The following HYDIN variants were observed in gnomAD, a reference collection of about 807,000 sequenced individuals.
HYDIN encodes the protein HYDIN axonemal central pair apparatus protein, also known as axonemal central pair apparatus protein HYDIN.
In HYDIN, 132 loss-of-function variants were observed where a neutral mutation model predicts 403.9. That is an observed-to-expected ratio of 0.33 (90% CI 0.28 to 0.38). The LOEUF (loss-of-function observed/expected upper bound fraction) is 0.38. HYDIN is among the 10% of genes least tolerant of loss of function. The probability of loss-of-function intolerance (pLI) is 1.00; values close to 1 mark genes in which losing one functional copy is unlikely to be tolerated. For missense variants in HYDIN, 2,827 were observed against 5,009.5 expected (o/e 0.56, Z 13.15); for synonymous variants, 1,202 against 1,891.7 (o/e 0.64, Z 9.46).
chr16:70,921,478 G>T (rs2076994148), intron 45 of HYDIN, among the ~76,000 whole-genome samples: 1 of 152,170 alleles, frequency 6.6e-6, no homozygotes, highest in Non-Finnish European at 1.5e-5. Flanking sequence ...GAGTGACTTT[G>T]ATGTGTACTC....
Position 70,857,793 on chromosome 16 carries a change from G to A in HYDIN, c.12207C>T (p.Ile4069=). The A allele has an allele frequency of 6.2e-7, 1 of 1,604,176 alleles. No individual in the cohort carries two copies. Among genetic ancestry groups the A allele is most frequent in the Admixed American group, 1.7e-5 (1 of 58,946 alleles). The change falls in exon 72 of 86, where the codon ATC becomes ATT. Residue 4069 remains isoleucine, a synonymous_variant. Transcript: ENST00000393567. ...SWTFLIPEHN[I]TVPFLLVGKT... is the part of the protein sequence containing the mutation. ...TGCCTACCAGCAGGAAAGGGACTGT[G>A]ATGTTGTGCTCGGGAATTAGGAAGG...
At chr16:71,179,074 T>C (rs79983471) in intron 3 of HYDIN, 27 bp from the exon 4 acceptor site, 1 of 1,593,908 alleles carries the variant, frequency 6.3e-7, no homozygotes, top group Admixed American at 1.7e-5. Context: ...AAATTATTGT[T>C]ATAGTCACAC....
In HYDIN at chr16:71,230,651, G is replaced by A. The variant is rs2041244447; in HGVS notation, c.-113C>T. 4 of 1,536,026 alleles carry A rather than the reference G, an allele frequency of 2.6e-6. No homozygotes were observed. Among genetic ancestry groups the A allele is most frequent in the East Asian group, 2.4e-5 (1 of 40,902 alleles). ...TCACAGACCCCGCCGCCGCTGAGGG[G>A]CTCCATACCCAGCTTGAAGCCGCCC... On this transcript the variant is annotated 5_prime_UTR_variant, in exon 1 of 86. Transcript: ENST00000393567.
At chr16:71,172,138 T>C (rs1402777745) in intron 5 of HYDIN, among the ~76,000 whole-genome samples, 1 of 152,246 alleles carries the variant, frequency 6.6e-6, no homozygotes, top group Non-Finnish European at 1.5e-5. Context: ...TTCTACTCTT[T>C]TTGGGCTATG....
intron 41 of HYDIN, among the ~76,000 whole-genome samples, chr16:70,945,562 C>T (rs1269299521): frequency 1.3e-5 from 2 of 152,100 alleles, no homozygotes; most frequent in African/African-American, 2.4e-5. Context: ...CCTGCAAAGA[C>T]AATGTAGGAA....
intron 57 of HYDIN, among the ~76,000 whole-genome samples, 180 bp downstream of exon 57, chr16:70,891,466 G>A (rs1344438167): frequency 6.6e-6 from 1 of 152,272 alleles, no homozygotes; most frequent in Non-Finnish European, 1.5e-5. Context: ...TGCGATTACA[G>A]GTGTGAGCCA....
At chr16:70,961,434 TG>T (rs2078417054) in intron 38 of HYDIN, among the ~76,000 whole-genome samples, 2 of 152,202 alleles carry the variant, frequency 1.3e-5, no homozygotes, top group Admixed American at 6.5e-5. Flanking sequence ...AGGACAAGGT[TG>T]CTTATGCCTT....
chr16:70,943,848 A>G lies in HYDIN; in HGVS notation c.6633T>C (p.Asp2211=). The G allele has an allele frequency of 6.2e-7, 1 of 1,613,582 alleles. No individual in the cohort carries two copies. Among genetic ancestry groups the G allele is most frequent in the Non-Finnish European group, 8.5e-7 (1 of 1,180,012 alleles). The stretch of plus-strand genomic sequence containing the variant: ...CTGCCAGGATCTGCACGAGAAGTTC[A>G]TCCGGGAGCACACAGCTCATCAGCC... ...ETGLMSCVLP[D]ELLVQILAER... Residue 2211 remains aspartate, a synonymous_variant, in exon 42 of 86, where the codon GAT becomes GAC. Transcript: ENST00000393567.
chr16:71,017,150 G>A (rs1300154613), intron 23 of HYDIN, among the ~76,000 whole-genome samples: 3 of 151,012 alleles, frequency 2.0e-5, no homozygotes, highest in African/African-American at 7.3e-5. Flanking sequence ...GACCAGCCTG[G>A]CCAACATGGT....
At position 70,943,710 on chromosome 16, in the gene HYDIN, G is replaced by A. The variant is rs186792602; in HGVS notation, c.6669+102C>T. ...GCAAACGACTGCCTTCCGGGCTGCC[G>A]AGCTGCCGTGGGTGGCTGATGGCCC... On this transcript the variant is annotated intron_variant, in intron 42 of 85. Coordinates refer to ENST00000393567, the MANE Select transcript of HYDIN (RefSeq NM_001270974.2). The A allele has an allele frequency of 1.3e-5, 19 of 1,456,702 alleles. No homozygotes were observed. The East Asian group carries it at 2.6e-4, about 20-fold the overall frequency. 90.2% of individuals were successfully genotyped at this position (1,456,702 alleles called of 1,614,324 possible). A position where few individuals can be genotyped will look rare whatever the true frequency, so the allele number is the denominator to read the frequency against.
At chr16:71,170,406 T>C (rs1483451047) in intron 5 of HYDIN, among the ~76,000 whole-genome samples, 2 of 152,154 alleles carry the variant, frequency 1.3e-5, no homozygotes, top group Non-Finnish European at 2.9e-5. Context: ...CACTAGGAAG[T>C]ACCACATCAC....
intron 16 of HYDIN, among the ~76,000 whole-genome samples, chr16:71,063,419 T>C (rs535037824): frequency 6.6e-5 from 10 of 152,394 alleles, no homozygotes; most frequent in Admixed American, 3.9e-4. Flanking sequence ...TCTTACAATA[T>C]GTAATGGAAA....
chr16:70,938,296 G>C (rs1284895249), intron 44 of HYDIN, among the ~76,000 whole-genome samples: 2 of 151,456 alleles, frequency 1.3e-5, no homozygotes, highest in African/African-American at 2.4e-5. Context: ...GTGCTGGTCA[G>C]GGGGGGCCAG....
At chr16:71,216,175 T>C (rs1417956945) in intron 1 of HYDIN, among the ~76,000 whole-genome samples, 3 of 152,212 alleles carry the variant, frequency 2.0e-5, no homozygotes, top group Non-Finnish European at 4.4e-5. Context: ...AGACTGTTCA[T>C]AGCAGTGTTA....
chr16:71,029,015 C>T (rs1441067692), intron 19 of HYDIN, among the ~76,000 whole-genome samples: 1 of 150,968 alleles, frequency 6.6e-6, no homozygotes, highest in Non-Finnish European at 1.5e-5. Flanking sequence ...AGTATATTTA[C>T]TACCATTTTA....
At chr16:70,834,490 CAGTTAGAGCTCTGGCACTTCTCA>C (rs2037233503) in intron 78 of HYDIN, among the ~76,000 whole-genome samples, 1 of 152,018 alleles carries the variant, frequency 6.6e-6, no homozygotes, top group South Asian at 2.1e-4. Flanking sequence ...AAATAACAAA[CAGTTAGAGCTCTGGCACTTCTCA>C]AGGAGTCTTC....
intron 3 of HYDIN, among the ~76,000 whole-genome samples, chr16:71,179,315 G>A (rs1302298219): frequency 6.7e-6 from 1 of 150,246 alleles, no homozygotes; most frequent in Non-Finnish European, 1.5e-5. Flanking sequence ...TCAGAAGGCA[G>A]AGGAATAAAA....
rs2084006944 is a variant in HYDIN at position 71,115,865 on chromosome 16, C to T, written c.1228-70G>A. On this transcript the variant is annotated intron_variant, in intron 9 of 85. Transcript: ENST00000393567. Reference sequence around the variant, plus strand: ...AAGACACTGCTTGTAAGTGTTATTACATTAAAACTCCAATAAATTTTTTTT... The same window carrying T: ...AAGACACTGCTTGTAAGTGTTATTATATTAAAACTCCAATAAATTTTTTTT... 1.3e-5 allele frequency: 11 copies of T among 834,768 alleles called. No homozygotes were observed. The South Asian group carries it at 1.6e-4, about 12-fold the overall frequency. The allele number at this position is 834,768 out of a possible 1,614,324, so 51.7% of individuals were successfully genotyped here. A position where few individuals can be genotyped will look rare whatever the true frequency, so the allele number is the denominator to read the frequency against.
chr16:71,228,667 A>C (rs1329368040), intron 1 of HYDIN, among the ~76,000 whole-genome samples: 1 of 152,238 alleles, frequency 6.6e-6, no homozygotes, highest in East Asian at 1.9e-4. Flanking sequence ...CAGGTGCTGG[A>C]GAGGACGTGG....
Sources: gnomAD v4.1 joint callset for allele counts (sites outside exome capture counted in the v4.1 genomes callset) on GRCh38, gnomAD v4.1.1 for gene constraint, MANE v1.5 for transcripts, NCBI Gene and HGNC (gene_info 2026-07-23, HGNC 2026-07-21) for gene names.